Variants in MYH16 observed in about 807,000 individuals in gnomAD.
MYH16 encodes the protein putative uncharacterized protein MYH16.
intron 15 of MYH16, among the ~76,000 whole-genome samples, chr7:99,264,799 G>C (rs1398796195): frequency 3.9e-5 from 6 of 152,122 alleles, no homozygotes; most frequent in Admixed American, 2.6e-4. Flanking sequence ...AGACCCTATG[G>C]TTCCTCCTAG....
chr7:99,258,810 T>TA (rs56367655), intron 11 of MYH16, among the ~76,000 whole-genome samples: 99,083 of 147,204 alleles, frequency 0.67, 37,305 homozygotes, highest in Non-Finnish European at 0.85. Context: ...AGCTCACCAC[T>TA]AAAAAAAAAA....
intron 1 of MYH16, among the ~76,000 whole-genome samples, chr7:99,241,859 G>GTTTTTTTTTTTTTTTTTT (rs71930898): frequency 6.8e-6 from 1 of 146,548 alleles, no homozygotes. Flanking sequence ...GCTGGCACTA[G>GTTTTTTTTTTTTTTTTTT]TTTTTTTTTT....
chr7:99,255,434 C>G (rs1043580052), intron 8 of MYH16: 1 of 146,798 alleles, frequency 6.8e-6, no homozygotes, highest in African/African-American at 2.5e-5. Flanking sequence ...GGTGACAGAG[C>G]CAGACCCTGT....
chr7:99,283,883 A>G (rs976757828), exon 25 of MYH16: 1 of 456,030 alleles, frequency 2.2e-6, no homozygotes, highest in Non-Finnish European at 4.4e-6. Flanking sequence ...CTGGAGGATA[A>G]CTGGGAGCAG....
In MYH16 at chr7:99,303,191, G is replaced by C. The variant is rs1011192836; in HGVS notation, n.5263+1G>C. On this transcript the variant is annotated splice_donor_variant and non_coding_transcript_variant, in intron 39 of 41. Transcript: ENST00000439784. ...GAGGGCCAAGAAGGCCATGATGGAC[G>C]TAAGTGCGTGTGCCCCTTGCTGCTA... is the stretch of plus-strand genomic sequence containing the variant. 2 of 152,716 alleles carry C rather than the reference G, an allele frequency of 1.3e-5. No individual in the cohort carries two copies. Among genetic ancestry groups the C allele is most frequent in the African/African-American group, 4.8e-5 (2 of 41,478 alleles). The allele number at this position is 152,716 out of a possible 1,614,324, so 9.5% of individuals were successfully genotyped here. A position where few individuals can be genotyped will look rare whatever the true frequency, so the allele number is the denominator to read the frequency against.
chr7:99,284,712 C>T, intron 25 of MYH16, 133 bp from the exon 8 acceptor site: 2 of 395,554 alleles, frequency 5.1e-6, no homozygotes, highest in South Asian at 1.9e-5. Flanking sequence ...CTACAGAAGG[C>T]CAGAAGGGGC....
At chr7:99,301,928 T>C (rs1001540862) in intron 38 of MYH16, 124 bp downstream of exon 19, 2 of 152,426 alleles carry the variant, frequency 1.3e-5, no homozygotes, top group Non-Finnish European at 2.9e-5. Flanking sequence ...AGGCAGGCAG[T>C]GCACCCCACT....
At chr7:99,257,002 A>G (rs896392473) in intron 9 of MYH16, among the ~76,000 whole-genome samples, 1 of 152,220 alleles carries the variant, frequency 6.6e-6, no homozygotes, top group Non-Finnish European at 1.5e-5. Context: ...AGCACTTACT[A>G]TGTGCCAAGC....
intron 36 of MYH16, among the ~76,000 whole-genome samples, chr7:99,298,659 T>C (rs908956410): frequency 3.9e-5 from 6 of 152,234 alleles, no homozygotes; most frequent in African/African-American, 1.4e-4. Context: ...AAAAATTGGA[T>C]TGCTTCTTTT....
chr7:99,286,351 G>A (rs887031084), intron 27 of MYH16: 1 of 152,602 alleles, frequency 6.6e-6, no homozygotes, highest in Non-Finnish European at 1.5e-5. Flanking sequence ...GGCAGGTGAA[G>A]GTTGCAGTGA....
At chr7:99,305,022 TA>T (rs199553867) in intron 40 of MYH16, among the ~76,000 whole-genome samples, 3,724 of 149,302 alleles carry the variant, frequency 0.025, 58 homozygotes, top group South Asian at 0.043. Context: ...CTCCATCTCT[TA>T]AAAAAAAAAT....
At chr7:99,252,998 G>C (rs1333846663) in intron 7 of MYH16, 1 of 152,274 alleles carries the variant, frequency 6.6e-6, no homozygotes, top group Non-Finnish European at 1.5e-5. Context: ...AGGCGAGGTG[G>C]CTTATGCCTG....
Position 99,255,836 on chromosome 7 carries a change from C to T in MYH16, n.996+151C>T, listed in dbSNP as rs780637779. On this transcript the variant is annotated intron_variant and non_coding_transcript_variant, in intron 9 of 41. Transcript: ENST00000439784. ...TCTTCCCTGGAGATTTCTGGGGTTGCGATCAGCATTTTATTCCAAGCCCAT... is the reference window on the plus strand; with the variant it reads ...TCTTCCCTGGAGATTTCTGGGGTTGTGATCAGCATTTTATTCCAAGCCCAT... 2.6e-5 allele frequency among the ~76,000 whole-genome samples: 4 copies of T among 152,248 alleles called. No homozygotes were observed. In the East Asian group the frequency reaches 5.8e-4, roughly 22 times the overall value.
chr7:99,277,918 A>T (rs6962096), intron 21 of MYH16, among the ~76,000 whole-genome samples: 13,828 of 103,256 alleles, frequency 0.13, 881 homozygotes, highest in African/African-American at 0.27. Flanking sequence ...TGTGTGTGTG[A>T]GAGAGAGAGA....
rs1386699675 is a variant in MYH16 at position 99,291,618 on chromosome 7, C to A, written n.3952+168C>A. ...GACCAGCCCGAACAACACAGCAAGA[C>A]CCCCCCCCACCCCCCCCACCCCCAA... On this transcript the variant is annotated intron_variant and non_coding_transcript_variant, in intron 31 of 41. Transcript: ENST00000439784. Among the ~76,000 whole-genome samples the A allele has an allele frequency of 1.4e-3, 7 of 4,844 alleles. 1 individual carries two copies. Among genetic ancestry groups the A allele is most frequent in the Admixed American group, 4.2e-3 (2 of 472 alleles). 3.2% of individuals were successfully genotyped at this position (4,844 alleles called of 152,430 possible). A position where few individuals can be genotyped will look rare whatever the true frequency, so the allele number is the denominator to read the frequency against.
Position 99,284,031 on chromosome 7 carries a change from G to A in MYH16, n.3225+13G>A, listed in dbSNP as rs11971111. On this transcript the variant is annotated intron_variant and non_coding_transcript_variant, in intron 25 of 41. Transcript: ENST00000439784. The stretch of plus-strand genomic sequence containing the variant: ...AGGTGGTGAAAAAGTATGTCTTGTC[G>A]TCGTTCGTTTTGTCCATCACAATGG... 38,148 of 442,178 alleles carry A rather than the reference G, an allele frequency of 0.086. 2,462 individuals are homozygous for A. Among genetic ancestry groups the A allele is most frequent in the African/African-American group, 0.24 (11,962 of 49,710 alleles). 27.4% of individuals were successfully genotyped at this position (442,178 alleles called of 1,614,324 possible).
intron 32 of MYH16, among the ~76,000 whole-genome samples, chr7:99,292,883 C>A (rs1584356261): frequency 6.6e-6 from 1 of 152,034 alleles, no homozygotes; most frequent in East Asian, 1.9e-4. Flanking sequence ...TTGCTTGAGC[C>A]CAGGAATTGG....
At position 99,277,916 on chromosome 7, in the gene MYH16, T is replaced by TGA. The variant is rs36065407; in HGVS notation, n.2659+225_2659+226dup. 3.4e-3 allele frequency among the ~76,000 whole-genome samples: 449 copies of TGA among 132,290 alleles called. 2 individuals are homozygous for TGA. The highest frequency in any genetic ancestry group is 0.022 in the South Asian group (90 of 4,008). The allele number at this position is 132,290 out of a possible 152,430, so 86.8% of individuals were successfully genotyped here. On this transcript the variant is annotated intron_variant and non_coding_transcript_variant, in intron 21 of 41. Coordinates refer to ENST00000439784, the Ensembl canonical transcript of MYH16. Reference sequence around the variant, plus strand: ...GTGTGTGTGTGTGTGTGTGTGTGTGTGAGAGAGAGAGAGAGAGAGAGACAG... The same window carrying TGA: ...GTGTGTGTGTGTGTGTGTGTGTGTGTGAGAGAGAGAGAGAGAGAGAGAGACAG...
At chr7:99,250,906 G>A (rs1791802209) in intron 5 of MYH16, among the ~76,000 whole-genome samples, 1 of 152,150 alleles carries the variant, frequency 6.6e-6, no homozygotes, top group South Asian at 2.1e-4. Context: ...AGACACTCAG[G>A]CAGTGGCCCT....
Sources: gnomAD v4.1 joint callset for allele counts (sites outside exome capture counted in the v4.1 genomes callset) on GRCh38, gnomAD v4.1.1 for gene constraint, MANE v1.5 for transcripts, NCBI Gene and HGNC (gene_info 2026-07-23, HGNC 2026-07-21) for gene names.